UNC13C: variants seen among roughly 807,000 people sequenced by gnomAD.
UNC13C encodes the protein unc-13 homolog C, also known as protein unc-13 homolog C.
UNC13C carries 174 observed loss-of-function variants against 245.4 expected under a neutral mutation model. The observed-to-expected ratio is 0.71, with a 90% confidence interval of 0.63 to 0.80. The LOEUF (loss-of-function observed/expected upper bound fraction) is 0.80. Ranked by LOEUF, UNC13C falls within the 30% of genes least tolerant of loss-of-function variation. UNC13C has a pLI of 0.00. For missense variants in UNC13C, 2,829 were observed against 2,602.9 expected, an observed-to-expected ratio of 1.09 and a Z score of -1.89; for synonymous variants, 992 against 895.1, an observed-to-expected ratio of 1.11 and a Z score of -1.93.
At chr15:53,929,098 G>A in the UNC13C span, among the ~76,000 whole-genome samples, 1 of 152,168 alleles carries the variant, frequency 6.6e-6, no homozygotes, top group Non-Finnish European at 1.5e-5. Flanking sequence ...CCACACTGCT[G>A]GGGAGGCCTC....
chr15:54,566,183 C>G (rs2141213948), intron 29 of UNC13C, among the ~76,000 whole-genome samples: 1 of 152,102 alleles, frequency 6.6e-6, no homozygotes, highest in East Asian at 1.9e-4. Context: ...ACCCCACCAC[C>G]CTTCTAGGTG....
At chr15:53,920,804 C>T in the UNC13C span, among the ~76,000 whole-genome samples, 1 of 150,186 alleles carries the variant, frequency 6.7e-6, no homozygotes, top group African/African-American at 2.5e-5. Context: ...GAGGGTAGAA[C>T]AGTGACCAAA....
At chr15:54,315,754 A>G (rs1449410886) in intron 13 of UNC13C, among the ~76,000 whole-genome samples, 1 of 151,662 alleles carries the variant, frequency 6.6e-6, no homozygotes, top group Non-Finnish European at 1.5e-5. Context: ...ATTTTTTTCA[A>G]TTTTTAGTTC....
chr15:54,137,481 A>G (rs2031796996), intron 2 of UNC13C, among the ~76,000 whole-genome samples: 1 of 152,172 alleles, frequency 6.6e-6, no homozygotes, highest in Non-Finnish European at 1.5e-5. Context: ...GAGATAATTG[A>G]TGACTACTTC....
chr15:54,434,973 GA>G (rs1311095690), intron 19 of UNC13C, among the ~76,000 whole-genome samples: 1 of 151,892 alleles, frequency 6.6e-6, no homozygotes, highest in East Asian at 1.9e-4. Context: ...ACAAACACAT[GA>G]AAAAAAGCTC....
At chr15:54,488,918 TAA>T (rs1240588461) in intron 19 of UNC13C, among the ~76,000 whole-genome samples, 1 of 152,174 alleles carries the variant, frequency 6.6e-6, no homozygotes, top group African/African-American at 2.4e-5. Context: ...AAATAAATTC[TAA>T]GAGTCATTCA....
Position 54,435,736 on chromosome 15 carries a change from T to C in UNC13C, c.4933+20669T>C, listed in dbSNP as rs147167727. The stretch of plus-strand genomic sequence containing the variant: ...ATCCCAGAACTTAAAGTATAATAGA[T>C]TTAAAAAATAATAAATAAAAATAAA... On this transcript the variant is annotated intron_variant, in intron 19 of 32. Transcript: ENST00000260323. Among the ~76,000 whole-genome samples the C allele has an allele frequency of 9.9e-3, 1,352 of 136,330 alleles. 28 individuals are homozygous for C. The highest frequency in any genetic ancestry group is 0.036 in the African/African-American group (1,323 of 37,036). 89.4% of individuals were successfully genotyped at this position (136,330 alleles called of 152,430 possible).
chr15:54,565,941 C>T (rs918583445), intron 29 of UNC13C, among the ~76,000 whole-genome samples: 4 of 151,916 alleles, frequency 2.6e-5, no homozygotes, highest in African/African-American at 9.7e-5. Flanking sequence ...CCCTCTCTTC[C>T]TCCTCCTCTT....
intron 4 of UNC13C, among the ~76,000 whole-genome samples, chr15:54,177,152 T>G (rs1188858496): frequency 1.3e-5 from 2 of 152,098 alleles, no homozygotes; most frequent in African/African-American, 4.8e-5. Context: ...GGACATATAA[T>G]TTTAGGACTA....
chr15:54,395,706 TATC>T (rs1596322151), intron 18 of UNC13C, among the ~76,000 whole-genome samples: 1 of 151,890 alleles, frequency 6.6e-6, no homozygotes, highest in East Asian at 1.9e-4. Flanking sequence ...TTCTTATTGT[TATC>T]ATGAGTTTGA....
At chr15:53,848,148 T>C in the UNC13C span, among the ~76,000 whole-genome samples, 1 of 151,594 alleles carries the variant, frequency 6.6e-6, no homozygotes, top group African/African-American at 2.4e-5. Flanking sequence ...TTAATTACTC[T>C]TTTTAAAGAA....
intron 4 of UNC13C, among the ~76,000 whole-genome samples, chr15:54,178,473 A>G (rs2033688961): frequency 6.6e-6 from 1 of 152,216 alleles, no homozygotes; most frequent in Admixed American, 6.5e-5. Flanking sequence ...GCAGATACAC[A>G]GAAGAGTAAC....
At chr15:54,552,827 AT>A (rs1184818834) in intron 28 of UNC13C, among the ~76,000 whole-genome samples, 1 of 7,870 alleles carries the variant, frequency 1.3e-4, no homozygotes, top group African/African-American at 4.2e-4. Flanking sequence ...ATAATATATA[AT>A]TATATTATAT....
intron 2 of UNC13C, among the ~76,000 whole-genome samples, chr15:54,122,511 C>G (rs982088146): frequency 6.6e-6 from 1 of 151,854 alleles, no homozygotes; most frequent in African/African-American, 2.4e-5. Context: ...TATAACGCAT[C>G]CATTGTATGT....
Position 54,242,003 on chromosome 15 carries a change from T to C in UNC13C, c.3228+4313T>C, listed in dbSNP as rs558329147. On this transcript the variant is annotated intron_variant, in intron 7 of 32. Coordinates refer to ENST00000260323, the MANE Select transcript of UNC13C (RefSeq NM_001080534.3). ...GTCCAGTTCTACAATTTACCTTCTG[T>C]AGGGCCTAGGGCAAGTTATGGAAAC... Among the ~76,000 whole-genome samples the C allele has an allele frequency of 7.9e-5, 12 of 152,328 alleles. No individual in the cohort carries two copies. In the South Asian group the frequency reaches 2.5e-3, roughly 32 times the overall value.
chr15:54,552,687 T>TAC (rs1896858023), intron 28 of UNC13C, among the ~76,000 whole-genome samples: 1 of 85,986 alleles, frequency 1.2e-5, no homozygotes, highest in Non-Finnish European at 2.0e-5. Context: ...TATAATTATA[T>TAC]AATTATATAT....
At chr15:53,899,582 GTC>G in the UNC13C span, among the ~76,000 whole-genome samples, 1 of 151,414 alleles carries the variant, frequency 6.6e-6, no homozygotes, top group Non-Finnish European at 1.5e-5. Flanking sequence ...TGAAAAACCA[GTC>G]TCTCTACTTT....
intron 26 of UNC13C, among the ~76,000 whole-genome samples, chr15:54,535,707 A>G (rs576623331): frequency 6.6e-6 from 1 of 152,268 alleles, no homozygotes; most frequent in Non-Finnish European, 1.5e-5. Context: ...TCTCAAAACT[A>G]TACAATTACA....
chr15:54,233,450 A>G (rs1431536387), intron 4 of UNC13C, among the ~76,000 whole-genome samples: 1 of 152,144 alleles, frequency 6.6e-6, no homozygotes, highest in Admixed American at 6.6e-5. Flanking sequence ...CACATTTGCA[A>G]TGGTTTTAAT....
Sources: allele counts gnomAD v4.1 joint callset (sites outside exome capture counted in the v4.1 genomes callset), GRCh38; gene constraint gnomAD v4.1.1; transcripts MANE v1.5; gene names NCBI Gene and HGNC (gene_info 2026-07-23, HGNC 2026-07-21).